Variants in KNTC1 observed in about 807,000 individuals in gnomAD.
KNTC1 encodes the protein kinetochore-associated protein 1.
A neutral mutation model predicts 314.4 loss-of-function variants in KNTC1; 253 were observed. That is an observed-to-expected ratio of 0.80 (90% CI 0.73 to 0.89). The LOEUF (loss-of-function observed/expected upper bound fraction) is 0.89, where lower values mean the gene tolerates loss of function less well. KNTC1 is among the 40% of genes least tolerant of loss of function. The pLI, the probability that KNTC1 is intolerant of heterozygous loss-of-function variation, is 0.00. For synonymous variants in KNTC1, 901 were observed against 901.4 expected (o/e 1.00, Z 0.01); for missense variants, 2,475 against 2,572.9 (o/e 0.96, Z 0.82).
chr12:122,613,866 A>G, intron 55 of KNTC1, 105 bp downstream of exon 55: 4 of 1,224,946 alleles, frequency 3.3e-6, no homozygotes, highest in Non-Finnish European at 4.3e-6. Context: ...TTGGGGACAG[A>G]GTTTTGCTCT....
chr12:122,585,570 A>T, intron 36 of KNTC1, 66 bp from the exon 37 acceptor site: 1 of 1,541,422 alleles, frequency 6.5e-7, no homozygotes, highest in Non-Finnish European at 8.9e-7. Flanking sequence ...TAAGCCATAG[A>T]CCAGAAGAAA....
Position 122,613,169 on chromosome 12 carries a change from T to C in KNTC1, c.5680T>C (p.Phe1894Leu), listed in dbSNP as rs751166784. 6.2e-7 allele frequency: 1 copy of C among 1,613,702 alleles called. No individual in the cohort carries two copies. Among genetic ancestry groups the C allele is most frequent in the East Asian group, 2.2e-5 (1 of 44,872 alleles). The change falls in exon 54 of 64, where the codon TTC (phenylalanine) becomes CTC (leucine). Residue 1894 changes from phenylalanine to leucine, a missense_variant. Transcript: ENST00000333479. ...AHRTRALQCL[F>L]YLADKETIES... The stretch of plus-strand genomic sequence containing the variant: ...TAGAACTCGAGCTCTTCAGTGTCTC[T>C]TCTATTTGGCTGACAAGGAAACTAT...
chr12:122,582,623 A>G (rs1191852043), intron 33 of KNTC1, 82 bp from the exon 34 acceptor site: 2 of 1,238,190 alleles, frequency 1.6e-6, no homozygotes, highest in South Asian at 1.7e-5. Context: ...TGAAATTATG[A>G]AAAAAAAAAC....
At chr12:122,566,105 G>A (rs749982408) in intron 20 of KNTC1, among the ~76,000 whole-genome samples, 35 of 151,720 alleles carry the variant, frequency 2.3e-4, no homozygotes, top group Non-Finnish European at 4.7e-4. Context: ...ACCACACCCA[G>A]CTAATTTTTG....
chr12:122,529,118 A>G (rs1441864425), intron 1 of KNTC1, among the ~76,000 whole-genome samples: 1 of 152,162 alleles, frequency 6.6e-6, no homozygotes, highest in Non-Finnish European at 1.5e-5. Flanking sequence ...TTCTGGGATT[A>G]CAGGTGTGAG....
At chr12:122,539,636 C>T in intron 4 of KNTC1, 40 bp from the exon 5 acceptor site, 1 of 1,326,876 alleles carries the variant, frequency 7.5e-7, no homozygotes, top group Non-Finnish European at 1.0e-6. Context: ...TTGTATTTTT[C>T]TATGTTTAAT....
intron 43 of KNTC1, 51 bp downstream of exon 43, chr12:122,594,436 CT>C (rs1267826533): frequency 2.0e-6 from 2 of 1,010,374 alleles, no homozygotes; most frequent in Non-Finnish European, 3.1e-6. Flanking sequence ...ACTGGTAATT[CT>C]TTTGCAAGAA....
intron 16 of KNTC1, among the ~76,000 whole-genome samples, chr12:122,557,054 A>T (rs894424992): frequency 6.6e-6 from 1 of 151,694 alleles, no homozygotes; most frequent in African/African-American, 2.4e-5. Flanking sequence ...AGACTGAACA[A>T]TATTTTACTG....
chr12:122,594,204 G>A (rs1271715285), intron 42 of KNTC1, 72 bp from the exon 43 acceptor site: 16 of 826,086 alleles, frequency 1.9e-5, no homozygotes, highest in Non-Finnish European at 2.8e-5. Flanking sequence ...GGCAAGTCAT[G>A]ATGTTGCCCT....
chr12:122,574,170 T>C, intron 26 of KNTC1, 112 bp from the exon 27 acceptor site: 1 of 596,884 alleles, frequency 1.7e-6, no homozygotes, highest in South Asian at 2.2e-5. Context: ...TAGGTTTTTT[T>C]TCTTTTAACA....
chr12:122,534,972 A>G (rs557020612), intron 3 of KNTC1, among the ~76,000 whole-genome samples, 188 bp downstream of exon 3: 2 of 152,312 alleles, frequency 1.3e-5, no homozygotes, highest in South Asian at 2.1e-4. Context: ...GGACACTGAG[A>G]TGATCCCTTC....
chr12:122,604,640 G>A lies in KNTC1; in HGVS notation c.5175+3G>A, dbSNP rs1412247458. On this transcript the variant is annotated splice_donor_region_variant and intron_variant, in intron 49 of 63. Coordinates refer to ENST00000333479, the MANE Select transcript of KNTC1 (RefSeq NM_014708.6). ...GGCTACAGAATATCCCATCGCAGGT[G>A]TGTCTGAACTATCAGATTGGCGGCT... The A allele has an allele frequency of 6.3e-7, 1 of 1,581,302 alleles. No individual in the cohort carries two copies. Among genetic ancestry groups the A allele is most frequent in the Admixed American group, 1.7e-5 (1 of 59,454 alleles).
rs572419019 is a variant in KNTC1, at chr12:122,614,359, G to A, written c.5877+598G>A. ...AGAGGAGACTGTCCGGTAGACAGAG[G>A]ATGTCATTTCTCTTCCTCTTAGTTG... is the stretch of plus-strand genomic sequence containing the variant. On this transcript the variant is annotated intron_variant, in intron 55 of 63. Transcript: ENST00000333479. 1.6e-4 allele frequency among the ~76,000 whole-genome samples: 25 copies of A among 152,228 alleles called. No homozygotes were observed. In the South Asian group the frequency reaches 5.2e-3, roughly 32 times the overall value.
At chr12:122,554,762 A>G (rs981883813) in intron 16 of KNTC1, among the ~76,000 whole-genome samples, 4 of 152,226 alleles carry the variant, frequency 2.6e-5, no homozygotes, top group African/African-American at 9.6e-5. Flanking sequence ...TTTCAGAACC[A>G]GAGAGTCCCT....
intron 3 of KNTC1, among the ~76,000 whole-genome samples, chr12:122,537,171 C>T (rs1961906871): frequency 6.6e-6 from 1 of 152,192 alleles, no homozygotes; most frequent in African/African-American, 2.4e-5. Flanking sequence ...ATGAATACAA[C>T]AGGCACTTCC....
chr12:122,546,310 G>T, intron 9 of KNTC1, 41 bp downstream of exon 9: 1 of 1,228,724 alleles, frequency 8.1e-7, no homozygotes, highest in Non-Finnish European at 1.2e-6. Context: ...AATTATTAGT[G>T]AGTTTTAATT....
At chr12:122,568,163 A>G in intron 20 of KNTC1, 98 bp from the exon 21 acceptor site, 2 of 668,366 alleles carry the variant, frequency 3.0e-6, no homozygotes, top group Non-Finnish European at 2.6e-6. Context: ...CTTTATGAAG[A>G]AGAAAACTAA....
intron 53 of KNTC1, among the ~76,000 whole-genome samples, chr12:122,612,508 C>G (rs1035820287): frequency 6.6e-6 from 1 of 150,828 alleles, no homozygotes; most frequent in Non-Finnish European, 1.5e-5. Flanking sequence ...CAACCTCCGC[C>G]TCCGGGTTCA....
chr12:122,569,228 T>C (rs1352040381), intron 21 of KNTC1, among the ~76,000 whole-genome samples: 1 of 152,234 alleles, frequency 6.6e-6, no homozygotes, highest in South Asian at 2.1e-4. Flanking sequence ...TAGTGGGCTT[T>C]GTAATGTAGC....
Sources: gnomAD v4.1 joint callset for allele counts (sites outside exome capture counted in the v4.1 genomes callset) on GRCh38, gnomAD v4.1.1 for gene constraint, MANE v1.5 for transcripts, NCBI Gene and HGNC (gene_info 2026-07-23, HGNC 2026-07-21) for gene names.